Variants in SCFD2 observed in about 807,000 individuals in gnomAD.
SCFD2 encodes the protein sec1 family domain containing 2.
SCFD2 carries 54 observed loss-of-function variants against 58.9 expected under a neutral mutation model. The observed-to-expected ratio is 0.92, with a 90% CI of 0.74 to 1.15. The LOEUF is 1.15. Ranked by LOEUF, SCFD2 falls within the 50% of genes most tolerant of loss-of-function variation. The pLI is 0.00. For missense variants in SCFD2, 805 were observed against 836.6 expected (o/e 0.96, Z 0.47); for synonymous variants, 321 against 335.9 (o/e 0.96, Z 0.49).
chr4:53,364,449 C>T (rs571978311), intron 1 of SCFD2, among the ~76,000 whole-genome samples: 1 of 152,132 alleles, frequency 6.6e-6, no homozygotes, highest in Non-Finnish European at 1.5e-5. Context: ...TTTTCTTCAT[C>T]TGCTTTAAGG....
At chr4:53,359,437 T>G (rs573224439) in intron 1 of SCFD2, among the ~76,000 whole-genome samples, 1 of 152,208 alleles carries the variant, frequency 6.6e-6, no homozygotes, top group Non-Finnish European at 1.5e-5. Flanking sequence ...TTTAAGTCAT[T>G]CTAACAATTT....
chr4:53,201,072 G>A (rs1180771933), intron 4 of SCFD2, among the ~76,000 whole-genome samples: 17 of 151,356 alleles, frequency 1.1e-4, no homozygotes, highest in Admixed American at 5.3e-4. Flanking sequence ...CGTACATAGC[G>A]TGCAGGTTTC....
intron 2 of SCFD2, among the ~76,000 whole-genome samples, chr4:53,340,734 C>T (rs528043441): frequency 1.3e-5 from 2 of 152,326 alleles, no homozygotes; most frequent in East Asian, 3.9e-4. Flanking sequence ...GGACACCTCA[C>T]ACAGCTGGGT....
chr4:52,964,032 T>C (rs1720907775), intron 5 of SCFD2, among the ~76,000 whole-genome samples: 1 of 152,188 alleles, frequency 6.6e-6, no homozygotes, highest in Non-Finnish European at 1.5e-5. Flanking sequence ...GGAAAAAGAA[T>C]AATATAAAGA....
At chr4:53,054,712 G>A (rs1269077837) in intron 5 of SCFD2, among the ~76,000 whole-genome samples, 3 of 151,898 alleles carry the variant, frequency 2.0e-5, no homozygotes, top group Non-Finnish European at 1.5e-5. Context: ...GAGTACAGTG[G>A]CACAATCACA....
chr4:53,244,266 C>T (rs1478652777), intron 4 of SCFD2, among the ~76,000 whole-genome samples: 1 of 152,056 alleles, frequency 6.6e-6, no homozygotes, highest in African/African-American at 2.4e-5. Flanking sequence ...ACTCTCCACC[C>T]CAAAACAACA....
rs551657574 is a variant in SCFD2 at position 53,227,788 on chromosome 4, C to CA, written c.1311+46037dup. Among the ~76,000 whole-genome samples, 25 of 152,144 alleles carry CA rather than the reference C, an allele frequency of 1.6e-4. No individual in the cohort carries two copies. In the South Asian group the frequency reaches 5.2e-3, roughly 32 times the overall value. On this transcript the variant is annotated intron_variant, in intron 4 of 8. Coordinates refer to ENST00000401642, the MANE Select transcript of SCFD2 (RefSeq NM_152540.4). ...AAACAAAAATAAGGAATTATTTCTG[C>CA]AAAAAATCAAAAATTATGAATCTGA...
Position 53,231,647 on chromosome 4 carries a change from A to T in SCFD2, c.1311+42179T>A, listed in dbSNP as rs186096371. ...GTGCCATTAAAAACTATCCTGGTCA[A>T]TAGAGAAGAGTGCTGATGGTGTATG... On this transcript the variant is annotated intron_variant, in intron 4 of 8. Transcript: ENST00000401642. Among the ~76,000 whole-genome samples, 14 of 152,296 alleles carry T rather than the reference A, an allele frequency of 9.2e-5. No homozygotes were observed. In the East Asian group the frequency reaches 2.7e-3, roughly 29 times the overall value.
At chr4:53,221,707 C>A (rs962610050) in intron 4 of SCFD2, among the ~76,000 whole-genome samples, 1 of 152,112 alleles carries the variant, frequency 6.6e-6, no homozygotes, top group Non-Finnish European at 1.5e-5. Context: ...AAAGAAAAAT[C>A]AGGTTAAAAT....
At chr4:53,241,851 T>G (rs529679621) in intron 4 of SCFD2, among the ~76,000 whole-genome samples, 8 of 152,324 alleles carry the variant, frequency 5.3e-5, no homozygotes, top group Middle Eastern at 3.4e-3. Flanking sequence ...GTGCCAACAT[T>G]GTGGTGGCTT....
intron 3 of SCFD2, among the ~76,000 whole-genome samples, chr4:53,297,845 G>T (rs866562659): frequency 8.5e-5 from 13 of 152,300 alleles, no homozygotes; most frequent in African/African-American, 2.9e-4. Context: ...TGTAAGGCAG[G>T]CCTGTTGGTG....
chr4:53,019,604 C>T (rs915181975), intron 5 of SCFD2, among the ~76,000 whole-genome samples: 10 of 152,126 alleles, frequency 6.6e-5, no homozygotes, highest in African/African-American at 2.2e-4. Context: ...AGGGGTTGGA[C>T]AACCCTGACA....
rs186716057 is a variant in SCFD2, at chr4:53,219,001, T to G, written c.1311+54825A>C. On this transcript the variant is annotated intron_variant, in intron 4 of 8. Coordinates refer to ENST00000401642, the MANE Select transcript of SCFD2 (RefSeq NM_152540.4). ...GTTGCCTGATCGTTCCTCTGGAAGC[T>G]TCAGCTCAGAGGGGTACCCGGCCGT... 3.9e-3 allele frequency among the ~76,000 whole-genome samples: 592 copies of G among 152,330 alleles called. 5 individuals carry two copies. Among genetic ancestry groups the G allele is most frequent in the African/African-American group, 0.013 (556 of 41,578 alleles).
chr4:53,082,240 A>G (rs1479007290), intron 5 of SCFD2, among the ~76,000 whole-genome samples: 1 of 152,122 alleles, frequency 6.6e-6, no homozygotes, highest in Admixed American at 6.6e-5. Flanking sequence ...GGCAACTCTT[A>G]TGTTCAACTT....
Position 53,365,223 on chromosome 4 carries a change from C to G in SCFD2, c.719G>C (p.Gly240Ala). The G allele has an allele frequency of 6.2e-7, 1 of 1,614,138 alleles. No individual in the cohort carries two copies. Among genetic ancestry groups the G allele is most frequent in the Non-Finnish European group, 8.5e-7 (1 of 1,180,034 alleles). The change falls in exon 1 of 9, where the codon GGT becomes GCT. Residue 240 changes from glycine (G) to alanine (A), a missense_variant. By Grantham distance (60) the Gly-to-Ala change is moderately conservative. Around this residue, in one of 3 missense-constraint regions of SCFD2, gnomAD observed 633 missense variants for 646.8 expected, o/e 0.98. Transcript: ENST00000401642. This position sits in a 1 kb window ranked among gnomAD's most constrained non-coding sequence, Gnocchi z 4.3. Reference sequence around the variant, plus strand: ...CGCAGCGATGACCTGACTTAAGGAACCTACAGCAAAACACTCCTCCCGTAC... The same window carrying G: ...CGCAGCGATGACCTGACTTAAGGAAGCTACAGCAAAACACTCCTCCCGTAC... ...LGVREECFAVGSLSQVIAADL... is the reference protein window; with the variant it reads ...LGVREECFAVASLSQVIAADL...
At chr4:53,161,883 C>T (rs1388429786) in intron 4 of SCFD2, among the ~76,000 whole-genome samples, 1 of 152,170 alleles carries the variant, frequency 6.6e-6, no homozygotes, top group African/African-American at 2.4e-5. Flanking sequence ...TTTTAAAATG[C>T]AACTATCCGT....
intron 4 of SCFD2, among the ~76,000 whole-genome samples, chr4:53,225,386 C>T (rs1002669900): frequency 6.6e-6 from 1 of 152,094 alleles, no homozygotes; most frequent in Admixed American, 6.5e-5. Flanking sequence ...TTATTAGCCA[C>T]TATTATTTCC....
chr4:53,228,534 A>C (rs1469400230), intron 4 of SCFD2, among the ~76,000 whole-genome samples: 1 of 152,210 alleles, frequency 6.6e-6, no homozygotes, highest in Non-Finnish European at 1.5e-5. Context: ...TATATCTCAG[A>C]TATTGAAATA....
chr4:53,191,352 T>C (rs963135391), intron 4 of SCFD2, among the ~76,000 whole-genome samples: 2 of 151,980 alleles, frequency 1.3e-5, no homozygotes, highest in African/African-American at 4.8e-5. Flanking sequence ...TTGAGTGATA[T>C]TCATTAGCAA....
Sources: allele counts gnomAD v4.1 joint callset (sites outside exome capture counted in the v4.1 genomes callset), GRCh38; gene constraint gnomAD v4.1.1; regional missense constraint gnomAD v4.1.1; non-coding constraint Gnocchi (gnomAD v3.1); transcripts MANE v1.5; gene names NCBI Gene and HGNC (gene_info 2026-07-23, HGNC 2026-07-21).